MTMR9: variants seen among roughly 807,000 people sequenced by gnomAD.
MTMR9 encodes the protein myotubularin related protein 9.
A neutral mutation model predicts 69.5 loss-of-function variants in MTMR9; 39 were observed. The ratio of observed to expected loss-of-function variants is 0.56; its 90% CI spans 0.43 to 0.73. The LOEUF (loss-of-function observed/expected upper bound fraction) is 0.73, where lower values mean the gene tolerates loss of function less well. Ranked by LOEUF, MTMR9 falls within the 30% of genes least tolerant of loss-of-function variation. MTMR9 has a pLI of 0.00. For missense variants in MTMR9, 900 were observed against 671.2 expected (o/e 1.34, Z -3.77); for synonymous variants, 354 against 240.8 (o/e 1.47, Z -4.35).
At chr8:11,288,365 A>G (rs1473153767) in intron 1 of MTMR9, among the ~76,000 whole-genome samples, 1 of 142,920 alleles carries the variant, frequency 7.0e-6, no homozygotes, top group Non-Finnish European at 1.5e-5. Context: ...TATAATATAT[A>G]TATAATGATG....
At chr8:11,291,074 C>G (rs1207573428) in intron 1 of MTMR9, among the ~76,000 whole-genome samples, 2 of 151,992 alleles carry the variant, frequency 1.3e-5, no homozygotes, top group African/African-American at 4.8e-5. Flanking sequence ...GTAGTGTAAT[C>G]AAAATGAGGA....
At chr8:11,302,633 A>G (rs151209572) in intron 3 of MTMR9, among the ~76,000 whole-genome samples, 56 of 152,312 alleles carry the variant, frequency 3.7e-4, no homozygotes, top group East Asian at 1.5e-3. Flanking sequence ...TAAAAAAAGC[A>G]AATCTTGTAT....
intron 1 of MTMR9, among the ~76,000 whole-genome samples, chr8:11,285,953 T>TC (rs1563261397): frequency 7.2e-6 from 1 of 139,428 alleles, no homozygotes; most frequent in African/African-American, 2.7e-5. Context: ...TCTTTCTTTT[T>TC]TTTTTTTTTT....
At chr8:11,293,497 G>A (rs998656760) in intron 1 of MTMR9, among the ~76,000 whole-genome samples, 1 of 152,138 alleles carries the variant, frequency 6.6e-6, no homozygotes, top group South Asian at 2.1e-4. Flanking sequence ...GGAATGCCCC[G>A]TGGCTTACCT....
Position 11,304,908 on chromosome 8 carries a change from T to A in MTMR9, c.485T>A (p.Val162Asp). Residue 162 changes from valine (V) to aspartate (D), a missense_variant, in exon 4 of 10, where the codon GTC becomes GAC. Coordinates refer to ENST00000221086, the MANE Select transcript of MTMR9 (RefSeq NM_015458.4). ...FAVCPSYPPI[V>D]TVPKSIDDEA... The stretch of plus-strand genomic sequence containing the variant: ...GTCTGTCCCTCTTACCCACCAATTG[T>A]CACAGTGCCCAAATCCATCGATGAT... The A allele has an allele frequency of 1.2e-6, 2 of 1,614,094 alleles. No individual in the cohort carries two copies. Among genetic ancestry groups the A allele is most frequent in the Non-Finnish European group, 1.7e-6 (2 of 1,179,970 alleles).
At chr8:11,297,531 GTTTT>G (rs58238612) in intron 2 of MTMR9, among the ~76,000 whole-genome samples, 1 of 142,332 alleles carries the variant, frequency 7.0e-6, no homozygotes, top group South Asian at 2.2e-4. Context: ...GGGTTTTGTG[GTTTT>G]TTTTTTTTTC....
At chr8:11,290,885 G>A (rs1478086508) in intron 1 of MTMR9, among the ~76,000 whole-genome samples, 2 of 134,652 alleles carry the variant, frequency 1.5e-5, no homozygotes, top group Non-Finnish European at 3.1e-5. Context: ...TTTTTTTAAA[G>A]TTGACAACTA....
At chr8:11,285,877 C>G (rs1301383569) in intron 1 of MTMR9, among the ~76,000 whole-genome samples, 2 of 151,194 alleles carry the variant, frequency 1.3e-5, no homozygotes, top group Non-Finnish European at 1.5e-5. Context: ...TATTGCCTCA[C>G]AGGATAATTT....
intron 5 of MTMR9, among the ~76,000 whole-genome samples, chr8:11,308,909 C>G (rs1467949376): frequency 6.6e-6 from 1 of 152,202 alleles, no homozygotes; most frequent in Non-Finnish European, 1.5e-5. Context: ...CACCACAAGG[C>G]CAGCTCCTCT....
chr8:11,334,233 C>T, the MTMR9 span, among the ~76,000 whole-genome samples: 4 of 152,098 alleles, frequency 2.6e-5, no homozygotes, highest in Non-Finnish European at 4.4e-5. Flanking sequence ...AAAGTAAATA[C>T]AATGGCAAAC....
chr8:11,324,475 T>C lies in MTMR9; in HGVS notation c.*1687T>C, dbSNP rs1330460468. ...GGAGCATAAGAGATGTTCTCGTAGC[T>C]CTGCGTTGTGTGAAATGTCCATCTT... On this transcript the variant is annotated 3_prime_UTR_variant, in exon 10 of 10. Transcript: ENST00000221086. The C allele has an allele frequency of 6.7e-6, 1 of 150,012 alleles. No individual in the cohort carries two copies. The allele number at this position is 150,012 out of a possible 1,614,324, so 9.3% of individuals were successfully genotyped here.
intron 5 of MTMR9, 104 bp downstream of exon 5, chr8:11,306,511 T>C: frequency 2.0e-6 from 2 of 977,182 alleles, no homozygotes; most frequent in Non-Finnish European, 3.0e-6. Context: ...ACTTCTGCAT[T>C]AATTTAGGGT....
the MTMR9 span, among the ~76,000 whole-genome samples, chr8:11,338,788 G>C: frequency 2.6e-5 from 4 of 152,184 alleles, no homozygotes; most frequent in Admixed American, 2.6e-4. Context: ...ATTGAAGACA[G>C]GTAGTTCCTT....
At chr8:11,314,187 G>A (rs566976585) in intron 6 of MTMR9, among the ~76,000 whole-genome samples, 1 of 152,126 alleles carries the variant, frequency 6.6e-6, no homozygotes, top group Non-Finnish European at 1.5e-5. Flanking sequence ...TGAAGTTGGT[G>A]GTTTTTATTT....
At chr8:11,306,838 A>G (rs1022168949) in intron 5 of MTMR9, among the ~76,000 whole-genome samples, 4 of 152,186 alleles carry the variant, frequency 2.6e-5, no homozygotes, top group East Asian at 3.9e-4. Flanking sequence ...TTTGATCAAC[A>G]TGTCCCCATA....
chr8:11,288,217 TTAA>T (rs1287349798), intron 1 of MTMR9, among the ~76,000 whole-genome samples: 8 of 136,432 alleles, frequency 5.9e-5, no homozygotes, highest in East Asian at 2.0e-4. Flanking sequence ...ATATAATATA[TTAA>T]TAATTATAAT....
chr8:11,319,665 G>T, intron 8 of MTMR9, 22 bp from the exon 9 acceptor site: 2 of 1,611,736 alleles, frequency 1.2e-6, no homozygotes, highest in South Asian at 1.1e-5. Context: ...TTACTTTAAT[G>T]GCAGTGTTCT....
intron 2 of MTMR9, chr8:11,298,711 C>A: frequency 2.5e-5 from 22 of 889,076 alleles, no homozygotes; most frequent in Non-Finnish European, 2.8e-5. Flanking sequence ...GGTATCCTTT[C>A]CCCGCTGCAC....
chr8:11,329,333 C>G (rs1361921479), downstream of MTMR9, among the ~76,000 whole-genome samples: 3 of 152,218 alleles, frequency 2.0e-5, no homozygotes, highest in African/African-American at 7.2e-5. Context: ...TTCCCTCTCC[C>G]TCTCTTTCCA....
Sources: allele counts gnomAD v4.1 joint callset (sites outside exome capture counted in the v4.1 genomes callset), GRCh38; gene constraint gnomAD v4.1.1; transcripts MANE v1.5; gene names NCBI Gene and HGNC (gene_info 2026-07-23, HGNC 2026-07-21).